CYP4F2: variants seen among roughly 807,000 people sequenced by gnomAD.
CYP4F2 encodes the protein cytochrome P450 4F2.
A neutral mutation model predicts 58.9 loss-of-function variants in CYP4F2; 58 were observed. That is an observed-to-expected ratio of 0.98 (90% CI 0.80 to 1.23). The LOEUF is 1.23. Ranked by LOEUF, CYP4F2 falls within the 50% of genes most tolerant of loss-of-function variation. The probability of loss-of-function intolerance (pLI) is 0.00; values close to 1 mark genes in which losing one functional copy is unlikely to be tolerated. For missense variants in CYP4F2, 616 were observed against 685.6 expected (o/e 0.90, Z 1.13); for synonymous variants, 287 against 261.1 (o/e 1.10, Z -0.95).
rs763828837 is a variant in CYP4F2, at chr19:15,897,647, A to G, written c.-1-35T>C. 7 of 1,610,080 alleles carry G rather than the reference A, an allele frequency of 4.3e-6. No individual in the cohort carries two copies. The Admixed American group carries it at 1.0e-4, about 23-fold the overall frequency. On this transcript the variant is annotated intron_variant, in intron 1 of 12. Transcript: ENST00000221700. ...AGACGGGATGGACGGTGAGATCCTG[A>G]GGCCCAGAGAACGGCCCAGGGACCT...
At chr19:15,889,820 A>C in intron 6 of CYP4F2, 127 bp from the exon 7 acceptor site, 1 of 1,359,544 alleles carries the variant, frequency 7.4e-7, no homozygotes, top group Non-Finnish European at 1.0e-6. Flanking sequence ...ATGACCCCAC[A>C]GATACAGGGT....
chr19:15,894,252 A>T (rs2089435385), intron 3 of CYP4F2, among the ~76,000 whole-genome samples: 1 of 152,174 alleles, frequency 6.6e-6, no homozygotes, highest in Non-Finnish European at 1.5e-5. Flanking sequence ...TCCTTAACCA[A>T]CAAACTTCTT....
intron 3 of CYP4F2, among the ~76,000 whole-genome samples, chr19:15,893,092 T>C (rs1234741644): frequency 6.6e-6 from 1 of 152,186 alleles, no homozygotes; most frequent in Non-Finnish European, 1.5e-5. Context: ...TGAGATGGTC[T>C]AACATGATCT....
In CYP4F2 at chr19:15,878,837, G is replaced by T; in HGVS notation, c.1497C>A (p.Arg499=). The T allele has an allele frequency of 6.2e-7, 1 of 1,614,034 alleles. No homozygotes were observed. Among genetic ancestry groups the T allele is most frequent in the Admixed American group, 1.7e-5 (1 of 60,014 alleles). Residue 499 remains arginine, a synonymous_variant, in exon 13 of 13, where the codon CGC becomes CGA. Transcript: ENST00000221700. ...FRVLPDHTEP[R]RKPELVLRAE... ...CGCGCAGGACCAGCTCCGGCTTCCT[G>T]CGGGGCTCGGTGTGGTCAGGCAGGA...
intron 7 of CYP4F2, among the ~76,000 whole-genome samples, chr19:15,887,247 AACATAG>A (rs1405556503): frequency 2.0e-5 from 3 of 152,066 alleles, no homozygotes; most frequent in African/African-American, 7.2e-5. Flanking sequence ...AATACAAATA[AACATAG>A]ACATAGACAC....
Position 15,886,236 on chromosome 19 carries a change from C to T in CYP4F2, c.985+6G>A, listed in dbSNP as rs1355243885. On this transcript the variant is annotated splice_donor_region_variant and intron_variant, in intron 8 of 12. Coordinates refer to ENST00000221700, the MANE Select transcript of CYP4F2 (RefSeq NM_001082.5). ...CCCCTCTCTAGCCCCACACTGGGGC[C>T]CTCACCCTCAAACATAAAGGTGTCA... 1.9e-6 allele frequency: 3 copies of T among 1,613,900 alleles called. No individual in the cohort carries two copies. Among genetic ancestry groups the T allele is most frequent in the Non-Finnish European group, 1.7e-6 (2 of 1,180,000 alleles).
At chr19:15,881,744 T>A (rs923261988) in intron 9 of CYP4F2, among the ~76,000 whole-genome samples, 18 of 151,992 alleles carry the variant, frequency 1.2e-4, no homozygotes, top group Admixed American at 1.2e-3. Context: ...ACTGGTTTTA[T>A]AATTTAATGC....
intron 5 of CYP4F2, among the ~76,000 whole-genome samples, chr19:15,890,808 T>C (rs1360907616): frequency 6.6e-6 from 1 of 152,236 alleles, no homozygotes; most frequent in East Asian, 1.9e-4. Flanking sequence ...ACTTATTAGC[T>C]GGGTGAACTT....
intron 7 of CYP4F2, among the ~76,000 whole-genome samples, chr19:15,887,448 A>G (rs1390429875): frequency 1.3e-5 from 2 of 151,882 alleles, no homozygotes; most frequent in African/African-American, 4.8e-5. Context: ...ACACATAGAC[A>G]AAGTCACAGA....
chr19:15,886,232 G>C lies in CYP4F2; in HGVS notation c.985+10C>G. 6.2e-7 allele frequency: 1 copy of C among 1,614,012 alleles called. No homozygotes were observed. The highest frequency in any genetic ancestry group is 1.1e-5 in the South Asian group (1 of 91,068). On this transcript the variant is annotated intron_variant, in intron 8 of 12. Transcript: ENST00000221700. ...CGGTCCCCTCTCTAGCCCCACACTG[G>C]GGCCCTCACCCTCAAACATAAAGGT...
rs750080486 is a variant in CYP4F2 at position 15,886,285 on chromosome 19, A to G, written c.942T>C (p.Ser314=). Residue 314 remains serine, a synonymous_variant, in exon 8 of 13, where the codon TCT becomes TCC. Coordinates refer to ENST00000221700, the MANE Select transcript of CYP4F2 (RefSeq NM_001082.5). The part of the protein sequence containing the change: ...LSKDEDGKKL[S]DEDIRAEADT... ...CAGCTTCTGCTCTTATGTCCTCATC[A>G]GATAACTTCTTCCCGTCTTCATCCT... is the stretch of plus-strand genomic sequence containing the variant. 1.9e-5 allele frequency: 31 copies of G among 1,613,920 alleles called. 1 individual carries two copies. The Middle Eastern group carries it at 1.6e-3, about 86-fold the overall frequency.
Position 15,897,510 on chromosome 19 carries a change from G to T in CYP4F2, c.102C>A (p.Val34=), listed in dbSNP as rs1257327670. ...LVGASWLLAH[V]LAWTYAFYDN... is the part of the protein sequence containing the mutation. ...CATAGAAGGCGTAGGTCCAGGCCAG[G>T]ACATGGGCCAGGAGCCAGGAGGCCC... The change falls in exon 2 of 13, where the codon GTC becomes GTA. Residue 34 remains valine, a synonymous_variant. Coordinates refer to ENST00000221700, the MANE Select transcript of CYP4F2 (RefSeq NM_001082.5). 2.5e-6 allele frequency: 4 copies of T among 1,613,964 alleles called. No individual in the cohort carries two copies. Among genetic ancestry groups the T allele is most frequent in the Non-Finnish European group, 3.4e-6 (4 of 1,179,964 alleles).
rs771230823 is a variant in CYP4F2 at position 15,889,687 on chromosome 19, G to A, written c.654C>T (p.Pro218=). The A allele has an allele frequency of 5.0e-6, 8 of 1,613,422 alleles. No homozygotes were observed. The highest frequency in any genetic ancestry group is 3.3e-5 in the South Asian group (3 of 91,068). The part of the protein sequence containing the change: ...FSFDSHCQEK[P]SEYIAAILEL... Reference sequence around the variant, plus strand: ...CCAAGATGGCGGCAATATATTCACTGGGTTTCCTGCAGGATAAGGGCAGAA... The same window carrying A: ...CCAAGATGGCGGCAATATATTCACTAGGTTTCCTGCAGGATAAGGGCAGAA... Residue 218 remains proline (P), a synonymous_variant, in exon 7 of 13, where the codon CCC becomes CCT. Transcript: ENST00000221700.
chr19:15,885,631 G>A (rs2089372955), intron 9 of CYP4F2, among the ~76,000 whole-genome samples: 1 of 149,162 alleles, frequency 6.7e-6, no homozygotes, highest in Admixed American at 6.7e-5. Context: ...TTTCTGGGAG[G>A]AAAGGAAGAG....
In CYP4F2 at chr19:15,881,565, GGATAGATA is replaced by G. The variant is rs59240008; in HGVS notation, c.1116-1676_1116-1669del. 2.0e-3 allele frequency among the ~76,000 whole-genome samples: 303 copies of G among 149,982 alleles called. 1 individual carries two copies. Among genetic ancestry groups the G allele is most frequent in the South Asian group, 8.8e-3 (42 of 4,756 alleles). On this transcript the variant is annotated intron_variant, in intron 9 of 12. Coordinates refer to ENST00000221700, the MANE Select transcript of CYP4F2 (RefSeq NM_001082.5). ...GTATATAGATACATAGATAGATGAT[GGATAGATA>G]GATAGATAGATAGATAGATAGATAG... is the stretch of plus-strand genomic sequence containing the variant.
intron 3 of CYP4F2, chr19:15,894,029 A>T (rs1480379012): frequency 9.3e-6 from 2 of 214,292 alleles, no homozygotes; most frequent in African/African-American, 2.3e-5. Context: ...GCCTCCTCAC[A>T]TCCTCCATGC....
Position 15,895,425 on chromosome 19 carries a change from T to C in CYP4F2, c.343+81A>G, listed in dbSNP as rs145762750. ...GGAAGGAAAGGAGAGGCCAGAGTAC[T>C]GCAGGGCCCACACAGGAGCTTGGGG... On this transcript the variant is annotated intron_variant, in intron 3 of 12. Transcript: ENST00000221700. The C allele has an allele frequency of 4.4e-4, 631 of 1,433,910 alleles. 1 individual carries two copies. In the African/African-American group the frequency reaches 7.8e-3, roughly 18 times the overall value. The allele number at this position is 1,433,910 out of a possible 1,614,324, so 88.8% of individuals were successfully genotyped here.
intron 9 of CYP4F2, among the ~76,000 whole-genome samples, chr19:15,883,705 A>G (rs1019240176): frequency 6.6e-6 from 1 of 152,262 alleles, no homozygotes; most frequent in African/African-American, 2.4e-5. Context: ...TATTTATTGC[A>G]GCACTATTCA....
chr19:15,891,233 G>T (rs868807959), intron 5 of CYP4F2, among the ~76,000 whole-genome samples: 3 of 152,196 alleles, frequency 2.0e-5, no homozygotes, highest in Middle Eastern at 3.4e-3. Flanking sequence ...TAAGCTTAAA[G>T]CTCCTCTTCT....
Sources: allele counts gnomAD v4.1 joint callset (sites outside exome capture counted in the v4.1 genomes callset), GRCh38; gene constraint gnomAD v4.1.1; transcripts MANE v1.5; gene names NCBI Gene and HGNC (gene_info 2026-07-23, HGNC 2026-07-21).